Variants in FAM227B observed in about 807,000 individuals in gnomAD.
The protein encoded by FAM227B is protein FAM227B.
Under a neutral mutation model 73.8 loss-of-function variants are expected in FAM227B, and 88 were observed. The observed-to-expected ratio is 1.19, with a 90% CI of 1.00 to 1.42. The LOEUF (loss-of-function observed/expected upper bound fraction) is 1.42. FAM227B is among the 40% of genes most tolerant of loss of function. FAM227B has a pLI of 0.00. For synonymous variants in FAM227B, 210 were observed against 190.5 expected, an observed-to-expected ratio of 1.10 and a Z score of -0.84; for missense variants, 632 against 590.9, an observed-to-expected ratio of 1.07 and a Z score of -0.72.
chr15:49,413,948 A>T (rs35251997), intron 11 of FAM227B, among the ~76,000 whole-genome samples: 10,260 of 151,760 alleles, frequency 0.068, 429 homozygotes, highest in East Asian at 0.17. Flanking sequence ...TTGTAATGAG[A>T]TTTGAAACAT....
intron 13 of FAM227B, among the ~76,000 whole-genome samples, chr15:49,362,383 G>C (rs11636629): frequency 0.28 from 42,236 of 152,012 alleles, 6,386 homozygotes; most frequent in East Asian, 0.43. Context: ...GTTTCCTGAG[G>C]CTCCCCAGTC....
intron 6 of FAM227B, 191 bp from the exon 7 acceptor site, chr15:49,577,036 C>G (rs1159146442): frequency 6.3e-6 from 3 of 474,778 alleles, no homozygotes; most frequent in Non-Finnish European, 1.1e-5. Flanking sequence ...GTGGCTCACG[C>G]CTGTAATCCC....
At chr15:49,432,658 A>C (rs1378739611) in intron 11 of FAM227B, among the ~76,000 whole-genome samples, 2 of 151,648 alleles carry the variant, frequency 1.3e-5, no homozygotes, top group African/African-American at 4.8e-5. Flanking sequence ...AAAACTATAC[A>C]ATTGACCTGA....
chr15:49,362,817 G>A (rs550153162), intron 13 of FAM227B, among the ~76,000 whole-genome samples: 7 of 152,128 alleles, frequency 4.6e-5, no homozygotes, highest in Non-Finnish European at 1.0e-4. Flanking sequence ...TGTATGGAAG[G>A]GGTCCAGTTT....
intron 11 of FAM227B, among the ~76,000 whole-genome samples, chr15:49,422,130 G>T (rs543404262): frequency 1.2e-4 from 17 of 142,180 alleles, no homozygotes; most frequent in Admixed American, 1.1e-3. Flanking sequence ...TAGAGAGAGA[G>T]AGAGAGAGAG....
At chr15:49,556,590 C>T (rs1224026993) in intron 9 of FAM227B, among the ~76,000 whole-genome samples, 1 of 152,180 alleles carries the variant, frequency 6.6e-6, no homozygotes, top group African/African-American at 2.4e-5. Flanking sequence ...ATGTAGGCCC[C>T]CGGGAGGCAG....
At chr15:49,510,949 G>T (rs1247578682) in intron 10 of FAM227B, among the ~76,000 whole-genome samples, 1 of 150,634 alleles carries the variant, frequency 6.6e-6, no homozygotes, top group African/African-American at 2.4e-5. Flanking sequence ...TAATCTTTCT[G>T]TTCTCTGGAA....
intron 13 of FAM227B, among the ~76,000 whole-genome samples, chr15:49,357,707 A>G (rs1467315278): frequency 6.6e-6 from 1 of 152,036 alleles, no homozygotes; most frequent in Non-Finnish European, 1.5e-5. Flanking sequence ...CAATCAATAG[A>G]AAAAGAGGGA....
At chr15:49,452,038 A>G (rs1019111788) in intron 11 of FAM227B, among the ~76,000 whole-genome samples, 3 of 151,920 alleles carry the variant, frequency 2.0e-5, no homozygotes, top group Non-Finnish European at 2.9e-5. Context: ...TTGATTCAAT[A>G]CCAACCAGAT....
chr15:49,330,264 C>T (rs1026820124), intron 15 of FAM227B: 1 of 152,212 alleles, frequency 6.6e-6, no homozygotes, highest in South Asian at 2.1e-4. Context: ...ATAAGATTGA[C>T]TACACTGGCT....
intron 11 of FAM227B, among the ~76,000 whole-genome samples, chr15:49,450,054 C>T (rs1211005420): frequency 1.3e-5 from 2 of 151,968 alleles, no homozygotes; most frequent in Non-Finnish European, 2.9e-5. Flanking sequence ...AATGCATGTG[C>T]CAAAGTTGTA....
intron 11 of FAM227B, among the ~76,000 whole-genome samples, chr15:49,493,323 A>G (rs2057283163): frequency 6.6e-6 from 1 of 152,020 alleles, no homozygotes; most frequent in Non-Finnish European, 1.5e-5. Flanking sequence ...AGAAATCAAA[A>G]CCATCAACAA....
intron 9 of FAM227B, among the ~76,000 whole-genome samples, chr15:49,552,292 T>C (rs539123996): frequency 6.6e-6 from 1 of 152,330 alleles, no homozygotes; most frequent in South Asian, 2.1e-4. Context: ...TTCAGCACTT[T>C]AAATATATCA....
At chr15:49,419,618 T>C (rs2049457350) in intron 11 of FAM227B, among the ~76,000 whole-genome samples, 1 of 152,138 alleles carries the variant, frequency 6.6e-6, no homozygotes, top group Non-Finnish European at 1.5e-5. Flanking sequence ...AATGGCTTCC[T>C]ATTGCTCCTG....
chr15:49,404,483 C>G (rs1380041487), intron 11 of FAM227B, among the ~76,000 whole-genome samples: 1 of 152,130 alleles, frequency 6.6e-6, no homozygotes, highest in Non-Finnish European at 1.5e-5. Context: ...GTTAGGTCTT[C>G]TTACTGAATT....
intron 13 of FAM227B, among the ~76,000 whole-genome samples, chr15:49,361,348 G>T (rs993242672): frequency 2.6e-5 from 4 of 151,894 alleles, no homozygotes; most frequent in African/African-American, 9.7e-5. Flanking sequence ...CACCACTCAG[G>T]TAATAAGCAT....
intron 11 of FAM227B, among the ~76,000 whole-genome samples, chr15:49,493,589 C>T (rs2057312003): frequency 6.6e-6 from 1 of 151,906 alleles, no homozygotes; most frequent in Non-Finnish European, 1.5e-5. Context: ...TGATTTTTCT[C>T]TTCTATAAAT....
chr15:49,539,656 G>A (rs2070778816), intron 10 of FAM227B, among the ~76,000 whole-genome samples: 1 of 152,178 alleles, frequency 6.6e-6, no homozygotes, highest in South Asian at 2.1e-4. Flanking sequence ...TGTTGCAGTG[G>A]GTCCAGTGTC....
intron 9 of FAM227B, among the ~76,000 whole-genome samples, chr15:49,544,393 T>C (rs937141026): frequency 6.6e-6 from 1 of 152,284 alleles, no homozygotes; most frequent in South Asian, 2.1e-4. Context: ...TTGTCAGATA[T>C]AGGAGCTTTT....
Sources: allele counts gnomAD v4.1 joint callset (sites outside exome capture counted in the v4.1 genomes callset), GRCh38; gene constraint gnomAD v4.1.1; transcripts MANE v1.5; gene names NCBI Gene and HGNC (gene_info 2026-07-23, HGNC 2026-07-21).